PTPRQ: variants seen among roughly 807,000 people sequenced by gnomAD.
The protein encoded by PTPRQ is phosphatidylinositol phosphatase PTPRQ.
A neutral mutation model predicts 246.0 loss-of-function variants in PTPRQ; 199 were observed. The ratio of observed to expected loss-of-function variants is 0.81; its 90% CI spans 0.72 to 0.91. The LOEUF is 0.91. Among genes scored for constraint, PTPRQ ranks in the 40% least tolerant of loss-of-function variants. The pLI is 0.00. For synonymous variants in PTPRQ, 869 were observed against 853.2 expected (o/e 1.02, Z -0.32); for missense variants, 2,624 against 2,528.4 (o/e 1.04, Z -0.81).
intron 25 of PTPRQ, among the ~76,000 whole-genome samples, chr12:80,570,081 C>T (rs1452133697): frequency 2.0e-5 from 3 of 152,080 alleles, no homozygotes; most frequent in Admixed American, 6.6e-5. Flanking sequence ...GATTTATAAT[C>T]CTTTGGGTAT....
intron 26 of PTPRQ, among the ~76,000 whole-genome samples, chr12:80,603,087 A>G (rs1898195742): frequency 6.6e-6 from 1 of 151,718 alleles, no homozygotes; most frequent in Admixed American, 6.6e-5. Flanking sequence ...AAATTCACTA[A>G]TATTAATGCA....
intron 35 of PTPRQ, among the ~76,000 whole-genome samples, chr12:80,643,290 T>A (rs1899955242): frequency 6.6e-6 from 1 of 151,890 alleles, no homozygotes; most frequent in South Asian, 2.1e-4. Context: ...GTACAAAAAT[T>A]AGCCAGGCAT....
At chr12:80,620,041 G>A in intron 31 of PTPRQ, 113 bp from the exon 32 acceptor site, 1 of 1,301,370 alleles carries the variant, frequency 7.7e-7, no homozygotes, top group Non-Finnish European at 1.0e-6. Context: ...TATCTCTGGT[G>A]ACTGATGTTG....
intron 25 of PTPRQ, among the ~76,000 whole-genome samples, chr12:80,550,895 T>C (rs1355606012): frequency 6.6e-6 from 1 of 152,104 alleles, no homozygotes; most frequent in Non-Finnish European, 1.5e-5. Flanking sequence ...TCCATATTTA[T>C]TGTTATTTTA....
intron 33 of PTPRQ, among the ~76,000 whole-genome samples, chr12:80,629,722 G>A (rs1295408445): frequency 2.0e-5 from 3 of 152,252 alleles, no homozygotes; most frequent in African/African-American, 7.2e-5. Flanking sequence ...GTCCTTGCTT[G>A]TATGTTGAAA....
chr12:80,538,935 GA>G (rs1364757034), intron 19 of PTPRQ, among the ~76,000 whole-genome samples: 2 of 152,030 alleles, frequency 1.3e-5, no homozygotes, highest in African/African-American at 2.4e-5. Context: ...GACAGAATTT[GA>G]ATGCAGGTCT....
chr12:80,604,264 T>A (rs1898237919), intron 26 of PTPRQ, among the ~76,000 whole-genome samples: 1 of 151,538 alleles, frequency 6.6e-6, no homozygotes. Flanking sequence ...TGTGCAGCAG[T>A]GTTCTTAGGT....
chr12:80,451,094 G>C (rs1267384666), intron 3 of PTPRQ, among the ~76,000 whole-genome samples: 1 of 152,116 alleles, frequency 6.6e-6, no homozygotes, highest in Non-Finnish European at 1.5e-5. Context: ...ACTTCTTCCT[G>C]GTTTAGTCTT....
At chr12:80,670,526 A>G (rs1900937199) in intron 42 of PTPRQ, 34 bp downstream of exon 42, 10 of 1,437,266 alleles carry the variant, frequency 7.0e-6, no homozygotes, top group Non-Finnish European at 9.2e-6. Context: ...CTTTGAACCC[A>G]TTGGTCTTTT....
chr12:80,610,651 A>T (rs1565817403), intron 28 of PTPRQ, 26 bp downstream of exon 28: 2 of 1,538,248 alleles, frequency 1.3e-6, no homozygotes, highest in East Asian at 4.9e-5. Flanking sequence ...CAACCTTGCT[A>T]AAAATTGACT....
chr12:80,495,871 A>G lies in PTPRQ; in HGVS notation c.1883-128A>G, dbSNP rs930783606. 20 of 1,148,296 alleles carry G rather than the reference A, an allele frequency of 1.7e-5. No homozygotes were observed. In the South Asian group the frequency reaches 2.0e-4, roughly 12 times the overall value. 71.1% of individuals were successfully genotyped at this position (1,148,296 alleles called of 1,614,324 possible). A position where few individuals can be genotyped will look rare whatever the true frequency, so the allele number is the denominator to read the frequency against. ...AGCCCAAGAATTTGAGGAGACTGCA[A>G]TTATTTGGAAGCGATATAGATATCT... is the stretch of plus-strand genomic sequence containing the variant. On this transcript the variant is annotated intron_variant, in intron 12 of 44. Coordinates refer to ENST00000644991, the MANE Select transcript of PTPRQ (RefSeq NM_001145026.2).
At chr12:80,561,993 T>C (rs563737818) in intron 25 of PTPRQ, among the ~76,000 whole-genome samples, 1 of 152,322 alleles carries the variant, frequency 6.6e-6, no homozygotes, top group South Asian at 2.1e-4. Context: ...GGGGGTTAAA[T>C]TTTGTCAAAT....
At chr12:80,462,072 T>C (rs189523847) in intron 6 of PTPRQ, 14 of 686,970 alleles carry the variant, frequency 2.0e-5, no homozygotes, top group Middle Eastern at 2.4e-4. Flanking sequence ...ATTGCCTCAC[T>C]TGGGGAGCAC....
chr12:80,565,447 A>G (rs1055164615), intron 25 of PTPRQ, among the ~76,000 whole-genome samples: 4 of 152,184 alleles, frequency 2.6e-5, no homozygotes, highest in Admixed American at 2.6e-4. Flanking sequence ...ATGCAGCTGT[A>G]GTTGATACTT....
At chr12:80,505,108 C>T (rs193194523) in intron 14 of PTPRQ, among the ~76,000 whole-genome samples, 2 of 151,870 alleles carry the variant, frequency 1.3e-5, no homozygotes, top group Admixed American at 6.6e-5. Flanking sequence ...TCAGCGGGCC[C>T]CAGGGTTTTA....
At chr12:80,530,119 C>G (rs1174473706) in intron 17 of PTPRQ, among the ~76,000 whole-genome samples, 1 of 152,130 alleles carries the variant, frequency 6.6e-6, no homozygotes, top group Admixed American at 6.5e-5. Flanking sequence ...ACTCCCTATC[C>G]TACTCTCAAA....
At chr12:80,648,273 G>A (rs1426733595) in intron 35 of PTPRQ, among the ~76,000 whole-genome samples, 1 of 151,994 alleles carries the variant, frequency 6.6e-6, no homozygotes, top group Non-Finnish European at 1.5e-5. Flanking sequence ...TGACGTAAGT[G>A]TTATTAATGA....
At chr12:80,570,001 G>A (rs1020260524) in intron 25 of PTPRQ, among the ~76,000 whole-genome samples, 3 of 152,118 alleles carry the variant, frequency 2.0e-5, no homozygotes, top group Non-Finnish European at 4.4e-5. Flanking sequence ...ATTTGGGTTG[G>A]TTCCAAGTCT....
rs1254405329 is a variant in PTPRQ, at chr12:80,465,822, C to A, written c.911-2888C>A. ...ATTCAACAACCCTCCATGCTAAAAA[C>A]CCTCAATAAATTAGGAATTGGTGGG... On this transcript the variant is annotated intron_variant, in intron 6 of 44. Coordinates refer to ENST00000644991, the MANE Select transcript of PTPRQ (RefSeq NM_001145026.2). Among the ~76,000 whole-genome samples the A allele has an allele frequency of 3.9e-5, 6 of 152,120 alleles. No individual in the cohort carries two copies. In the South Asian group the frequency reaches 6.2e-4, roughly 16 times the overall value.
Sources: allele counts gnomAD v4.1 joint callset (sites outside exome capture counted in the v4.1 genomes callset), GRCh38; gene constraint gnomAD v4.1.1; transcripts MANE v1.5; gene names NCBI Gene and HGNC (gene_info 2026-07-23, HGNC 2026-07-21).